The following CADM4 variants were observed in gnomAD, a reference collection of about 807,000 sequenced individuals.
The protein encoded by CADM4 is cell adhesion molecule 4.
In CADM4, 13 loss-of-function variants were observed where a neutral mutation model predicts 43.9. The ratio of observed to expected loss-of-function variants is 0.30; its 90% CI spans 0.19 to 0.47. The LOEUF is 0.47. Among genes scored for constraint, CADM4 ranks in the 20% least tolerant of loss-of-function variants. CADM4 has a pLI of 1.00. For synonymous variants in CADM4, 209 were observed against 220.9 expected (o/e 0.95, Z 0.48); for missense variants, 420 against 527.0 (o/e 0.80, Z 1.99).
At position 43,627,649 on chromosome 19, in the gene CADM4, G is replaced by C; in HGVS notation, c.206C>G (p.Thr69Ser). Residue 69 changes from threonine (T) to serine (S), a missense_variant, in exon 2 of 9, where the codon ACC becomes AGC. Thr to Ser is a moderately conservative substitution (Grantham distance 58). Transcript: ENST00000222374. This position sits in a 1 kb window ranked among gnomAD's most constrained non-coding sequence, Gnocchi z 4.0. ...PARQTLFFNG[T>S]RALKDERFQL... is the part of the protein sequence containing the mutation. ...GTCTGGTCCCCAGCACTCACCACGG[G>C]TGCCATTGAAGAAGAGGGTCTGCCG... 6.2e-7 allele frequency: 1 copy of C among 1,613,496 alleles called. No individual in the cohort carries two copies. The highest frequency in any genetic ancestry group is 8.5e-7 in the Non-Finnish European group (1 of 1,179,572).
rs1214350670 is a variant in CADM4 at position 43,623,821 on chromosome 19, C to T, written c.1057+293G>A. The stretch of plus-strand genomic sequence containing the variant: ...GCCATGGTGCCCAGGCTGGTCTCGA[C>T]CTCCTAGCTTCTCAAGTGCTTTATC... On this transcript the variant is annotated intron_variant, in intron 8 of 8. Coordinates refer to ENST00000222374, the MANE Select transcript of CADM4 (RefSeq NM_145296.2). The surrounding 1 kb of genome is among the most constrained non-coding windows in gnomAD (Gnocchi z 4.4). Among the ~76,000 whole-genome samples, 1 of 152,108 alleles carries T rather than the reference C, an allele frequency of 6.6e-6. No individual in the cohort carries two copies. The highest frequency in any genetic ancestry group is 1.5e-5 in the Non-Finnish European group (1 of 68,000).
upstream of CADM4, chr19:43,639,908 C>A (rs903358203): frequency 1.4e-6 from 1 of 704,070 alleles, no homozygotes; most frequent in African/African-American, 2.0e-5. Flanking sequence ...GCGCCGAGGC[C>A]GGGGCGGGGC....
chr19:43,626,988 C>T lies in CADM4; in HGVS notation c.365-70G>A. On this transcript the variant is annotated intron_variant, in intron 3 of 8. Transcript: ENST00000222374. This position sits in a 1 kb window ranked among gnomAD's most constrained non-coding sequence, Gnocchi z 5.9. Reference sequence around the variant, plus strand: ...CGTGGGCTCAAAGCGATCGAGCTGCCTGTTCCCAGCGACCATAGGGAACCA... The same window carrying T: ...CGTGGGCTCAAAGCGATCGAGCTGCTTGTTCCCAGCGACCATAGGGAACCA... 1 of 1,500,796 alleles carries T rather than the reference C, an allele frequency of 6.7e-7. No homozygotes were observed. The highest frequency in any genetic ancestry group is 8.9e-7 in the Non-Finnish European group (1 of 1,122,332). The allele number at this position is 1,500,796 out of a possible 1,614,324, so 93.0% of individuals were successfully genotyped here.
chr19:43,636,591 T>C (rs1411653340), intron 1 of CADM4, among the ~76,000 whole-genome samples: 6 of 151,860 alleles, frequency 4.0e-5, no homozygotes, highest in African/African-American at 1.5e-4. Context: ...GGTCTGACTG[T>C]CTCCAGGCCA....
rs1973504135 is a variant in CADM4, at chr19:43,625,184, C to T, written c.822G>A (p.Glu274=). Residue 274 remains glutamate, a synonymous_variant, in exon 7 of 9, where the codon GAG becomes GAA. Coordinates refer to ENST00000222374, the MANE Select transcript of CADM4 (RefSeq NM_145296.2). The surrounding 1 kb of genome is among the most constrained non-coding windows in gnomAD (Gnocchi z 4.5). ...SLPERAEAVG[E]TLTLPGLVSA... Reference sequence around the variant, plus strand: ...ATACCAGACCCGGCAGCGTGAGCGTCTCTCCCACGGCCTCCGCCCTCTCCG... The same window carrying T: ...ATACCAGACCCGGCAGCGTGAGCGTTTCTCCCACGGCCTCCGCCCTCTCCG... 1 of 1,614,244 alleles carries T rather than the reference C, an allele frequency of 6.2e-7. No homozygotes were observed. The highest frequency in any genetic ancestry group is 8.5e-7 in the Non-Finnish European group (1 of 1,180,044).
In CADM4 at chr19:43,622,415, C is replaced by T. The variant is rs1973450489; in HGVS notation, c.*915G>A. 1 of 152,230 alleles carries T rather than the reference C, an allele frequency of 6.6e-6. No homozygotes were observed. Among genetic ancestry groups the T allele is most frequent in the Non-Finnish European group, 1.5e-5 (1 of 68,062 alleles). 9.4% of individuals were successfully genotyped at this position (152,230 alleles called of 1,614,324 possible). ...GTGGTTAGTGAGATTGCCAAACCCC[C>T]TCCCCATTCCCCTCCCCACCCCGTA... On this transcript the variant is annotated 3_prime_UTR_variant, in exon 9 of 9. Coordinates refer to ENST00000222374, the MANE Select transcript of CADM4 (RefSeq NM_145296.2).
intron 1 of CADM4, among the ~76,000 whole-genome samples, chr19:43,633,883 T>TG (rs1973665069): frequency 6.6e-6 from 1 of 151,142 alleles, no homozygotes; most frequent in South Asian, 2.1e-4. Flanking sequence ...TTTTTAGAGA[T>TG]GGGGGTCTCA....
In CADM4 at chr19:43,638,217, TG is replaced by T. The variant is rs1335807219; in HGVS notation, c.64+1509del. Among the ~76,000 whole-genome samples, 4 of 151,988 alleles carry T rather than the reference TG, an allele frequency of 2.6e-5. No individual in the cohort carries two copies. In the East Asian group the frequency reaches 7.7e-4, roughly 29 times the overall value. On this transcript the variant is annotated intron_variant, in intron 1 of 8. Transcript: ENST00000222374. The stretch of plus-strand genomic sequence containing the variant: ...GATGGCTCTGCCTCAAACCCTGGAG[TG>T]GGGAACATGTAACCGCACTCAACTT...
intron 7 of CADM4, 138 bp from the exon 8 acceptor site, chr19:43,624,380 C>A: frequency 9.9e-7 from 1 of 1,006,318 alleles, no homozygotes; most frequent in Non-Finnish European, 1.5e-6. Flanking sequence ...AAATTACTGC[C>A]ACCTTGTAGT....
chr19:43,625,376 T>A lies in CADM4; in HGVS notation c.756-126A>T. The A allele has an allele frequency of 1.1e-6, 1 of 946,456 alleles. No homozygotes were observed. The highest frequency in any genetic ancestry group is 1.7e-5 in the South Asian group (1 of 57,442). 58.6% of individuals were successfully genotyped at this position (946,456 alleles called of 1,614,324 possible). A position where few individuals can be genotyped will look rare whatever the true frequency, so the allele number is the denominator to read the frequency against. Reference sequence around the variant, plus strand: ...CCTCCAAATAAGAGGCTTCCTGCTATCTCTTTCCTTTCTGGAAAACCAACA... The same window carrying A: ...CCTCCAAATAAGAGGCTTCCTGCTAACTCTTTCCTTTCTGGAAAACCAACA... On this transcript the variant is annotated intron_variant, in intron 6 of 8. Coordinates refer to ENST00000222374, the MANE Select transcript of CADM4 (RefSeq NM_145296.2). This position sits in a 1 kb window ranked among gnomAD's most constrained non-coding sequence, Gnocchi z 4.5.
intron 1 of CADM4, among the ~76,000 whole-genome samples, chr19:43,633,800 G>C (rs1033540845): frequency 3.3e-5 from 5 of 151,336 alleles, no homozygotes; most frequent in African/African-American, 4.9e-5. Flanking sequence ...CCCACCTCAG[G>C]CTACCAAATA....
chr19:43,639,793 T>TGCCGCCGCC lies in CADM4; in HGVS notation c.-12_-4dup, dbSNP rs775584890. 5.7e-5 allele frequency: 57 copies of TGCCGCCGCC among 997,342 alleles called. No homozygotes were observed. In the East Asian group the frequency reaches 6.7e-4, roughly 12 times the overall value. The allele number at this position is 997,342 out of a possible 1,614,324, so 61.8% of individuals were successfully genotyped here. On this transcript the variant is annotated 5_prime_UTR_variant, in exon 1 of 9. Coordinates refer to ENST00000222374, the MANE Select transcript of CADM4 (RefSeq NM_145296.2). ...TGGAAGCGCCGGGCCCGGCCCATGGTGCCGCCGCCGCCGCCGCCGCCGCTC... is the reference window on the plus strand; with the variant it reads ...TGGAAGCGCCGGGCCCGGCCCATGGTGCCGCCGCCGCCGCCGCCGCCGCCGCCGCCGCTC...
rs916872810 is a variant in CADM4, at chr19:43,622,720, G to C, written c.*610C>G. 6.5e-6 allele frequency: 1 copy of C among 152,678 alleles called. No individual in the cohort carries two copies. The highest frequency in any genetic ancestry group is 1.5e-5 in the Non-Finnish European group (1 of 68,184). 9.5% of individuals were successfully genotyped at this position (152,678 alleles called of 1,614,324 possible). On this transcript the variant is annotated 3_prime_UTR_variant, in exon 9 of 9. Coordinates refer to ENST00000222374, the MANE Select transcript of CADM4 (RefSeq NM_145296.2). ...GACAGACGTTGGGGGAGAAGGTAGAGAGAAGGGGAGCCCAGGAACCTGGGG... is the reference window on the plus strand; with the variant it reads ...GACAGACGTTGGGGGAGAAGGTAGACAGAAGGGGAGCCCAGGAACCTGGGG...
rs1973501535 is a variant in CADM4 at position 43,625,091 on chromosome 19, T to C, written c.915A>G (p.Val305=). The C allele has an allele frequency of 6.6e-7, 1 of 1,507,990 alleles. No homozygotes were observed. Among genetic ancestry groups the C allele is most frequent in the Non-Finnish European group, 9.0e-7 (1 of 1,116,538 alleles). The allele number at this position is 1,507,990 out of a possible 1,614,324, so 93.4% of individuals were successfully genotyped here. The change falls in exon 7 of 9, where the codon GTA becomes GTG. Residue 305 remains valine (V), a synonymous_variant. Coordinates refer to ENST00000222374, the MANE Select transcript of CADM4 (RefSeq NM_145296.2). This position sits in a 1 kb window ranked among gnomAD's most constrained non-coding sequence, Gnocchi z 4.5. ...NKHGHARALY[V]LVVYDPGAVV... ...GCCTGCTCTCACCGTAGACCACAAG[T>C]ACGTAGAGCGCCCTCGCATGGCCGT...
chr19:43,640,071 T>TG (rs1375945343), upstream of CADM4, among the ~76,000 whole-genome samples: 1 of 136,828 alleles, frequency 7.3e-6, no homozygotes, highest in Non-Finnish European at 1.6e-5. Context: ...TGGGAGCAGG[T>TG]GGGGGATCTC....
At chr19:43,624,030 C>A in intron 8 of CADM4, 84 bp downstream of exon 8, 1 of 1,544,190 alleles carries the variant, frequency 6.5e-7, no homozygotes, top group Non-Finnish European at 8.8e-7. Flanking sequence ...AGGCTCCGCC[C>A]TCTCGTTACC....
chr19:43,631,158 T>C (rs1038011471), intron 1 of CADM4, among the ~76,000 whole-genome samples: 6 of 152,092 alleles, frequency 3.9e-5, no homozygotes, highest in African/African-American at 1.4e-4. Flanking sequence ...CTGACCAACA[T>C]GGTGAAACCC....
At position 43,623,724 on chromosome 19, in the gene CADM4, T is replaced by C. The variant is rs766810458; in HGVS notation, c.1058-285A>G. ...CCAGCGAATTCAGCAATTAGGAAAA[T>C]AAATTGTTTTATTCAAATCCATGCT... On this transcript the variant is annotated intron_variant, in intron 8 of 8. Coordinates refer to ENST00000222374, the MANE Select transcript of CADM4 (RefSeq NM_145296.2). This position sits in a 1 kb window ranked among gnomAD's most constrained non-coding sequence, Gnocchi z 4.4. Among the ~76,000 whole-genome samples, 1 of 152,132 alleles carries C rather than the reference T, an allele frequency of 6.6e-6. No homozygotes were observed. Among genetic ancestry groups the C allele is most frequent in the Non-Finnish European group, 1.5e-5 (1 of 68,000 alleles).
At chr19:43,624,341 C>A (rs938535708) in intron 7 of CADM4, 99 bp from the exon 8 acceptor site, 71 of 1,481,116 alleles carry the variant, frequency 4.8e-5, no homozygotes, top group Non-Finnish European at 6.6e-5. Context: ...CACGTCTAAC[C>A]GTGCCCTTTT....
Sources: gnomAD v4.1 joint callset for allele counts (sites outside exome capture counted in the v4.1 genomes callset) on GRCh38, gnomAD v4.1.1 for gene constraint, Gnocchi (gnomAD v3.1) non-coding constraint, MANE v1.5 for transcripts, NCBI Gene and HGNC (gene_info 2026-07-23, HGNC 2026-07-21) for gene names.